Variants in SNTG1 observed in about 807,000 individuals in gnomAD.
SNTG1 encodes syntrophin gamma 1.
Under a neutral mutation model 74.7 loss-of-function variants are expected in SNTG1, and 39 were observed. The ratio of observed to expected loss-of-function variants is 0.52; its 90% confidence interval spans 0.40 to 0.68. SNTG1 has a LOEUF of 0.68. SNTG1 is among the 30% of genes least tolerant of loss of function. The pLI, the probability that SNTG1 is intolerant of heterozygous loss-of-function variation, is 0.00. For synonymous variants in SNTG1, 254 were observed against 217.1 expected (o/e 1.17, Z -1.49); for missense variants, 685 against 609.5 (o/e 1.12, Z -1.30).
chr8:50,709,448 A>T (rs2131553669), intron 17 of SNTG1, among the ~76,000 whole-genome samples: 1 of 152,202 alleles, frequency 6.6e-6, no homozygotes, highest in East Asian at 1.9e-4. Flanking sequence ...TTTAGTTTCT[A>T]GCCAGGGAGT....
At chr8:50,400,939 A>C (rs1203765674) in intron 3 of SNTG1, among the ~76,000 whole-genome samples, 2 of 152,168 alleles carry the variant, frequency 1.3e-5, no homozygotes, top group Non-Finnish European at 2.9e-5. Flanking sequence ...AATAGCTGGA[A>C]GAGAGGGTTT....
chr8:50,613,402 T>A (rs558727461), intron 13 of SNTG1, among the ~76,000 whole-genome samples: 1 of 152,182 alleles, frequency 6.6e-6, no homozygotes, highest in Non-Finnish European at 1.5e-5. Context: ...TAGAGGGCAA[T>A]GATAAATTGC....
chr8:50,177,751 A>G (rs2083053399), intron 2 of SNTG1, among the ~76,000 whole-genome samples: 1 of 152,150 alleles, frequency 6.6e-6, no homozygotes, highest in East Asian at 1.9e-4. Context: ...CCTACATTCA[A>G]ATGAGTGCTT....
intron 18 of SNTG1, 112 bp downstream of exon 18, chr8:50,752,223 C>T: frequency 2.0e-6 from 1 of 503,120 alleles, no homozygotes; most frequent in African/African-American, 2.0e-5. Context: ...ATTCTCTGCT[C>T]ATCTTGAAAT....
At chr8:50,199,287 G>A (rs936842404) in intron 2 of SNTG1, among the ~76,000 whole-genome samples, 1 of 147,760 alleles carries the variant, frequency 6.8e-6, no homozygotes, top group African/African-American at 2.5e-5. Context: ...GTTCAATCTC[G>A]GCTCACTGCA....
chr8:50,381,838 AT>A, intron 2 of SNTG1: 1 of 126,684 alleles, frequency 7.9e-6, no homozygotes, highest in East Asian at 2.1e-4. Flanking sequence ...TATATATATT[AT>A]ATATATATAT....
intron 1 of SNTG1, among the ~76,000 whole-genome samples, chr8:50,131,488 A>G (rs2131404127): frequency 6.6e-6 from 1 of 152,266 alleles, no homozygotes; most frequent in African/African-American, 2.4e-5. Context: ...ATGTTGCTGC[A>G]AGTGACAGGA....
chr8:50,703,344 A>T (rs1387821069), intron 15 of SNTG1, among the ~76,000 whole-genome samples: 1 of 144,032 alleles, frequency 6.9e-6, no homozygotes, highest in East Asian at 2.0e-4. Context: ...TTTATAAAAA[A>T]TAAGACAGAA....
chr8:50,078,509 T>G (rs955743286), intron 1 of SNTG1, among the ~76,000 whole-genome samples: 2 of 152,204 alleles, frequency 1.3e-5, no homozygotes, highest in South Asian at 4.1e-4. Context: ...CATTATAATT[T>G]TGTTTGCTGT....
intron 1 of SNTG1, among the ~76,000 whole-genome samples, chr8:50,003,674 G>A (rs867406513): frequency 6.6e-6 from 1 of 151,982 alleles, no homozygotes; most frequent in African/African-American, 2.4e-5. Context: ...TTTTTCTGTT[G>A]TAATTACTTG....
At chr8:50,762,838 C>A (rs764069849) in intron 18 of SNTG1, 12 of 391,470 alleles carry the variant, frequency 3.1e-5, no homozygotes, top group Admixed American at 8.0e-5. Context: ...ATGAAGGTTC[C>A]TGCTCCGAAG....
At chr8:50,385,904 T>C (rs1053664903) in intron 2 of SNTG1, among the ~76,000 whole-genome samples, 1 of 152,216 alleles carries the variant, frequency 6.6e-6, no homozygotes, top group African/African-American at 2.4e-5. Flanking sequence ...GTCTTCTGCA[T>C]AGGCCAAGTA....
chr8:50,101,640 G>T (rs1026287836), intron 1 of SNTG1, among the ~76,000 whole-genome samples: 1 of 151,944 alleles, frequency 6.6e-6, no homozygotes, highest in African/African-American at 2.4e-5. Context: ...CATGTGCCAT[G>T]CTGGTGTGCT....
intron 1 of SNTG1, among the ~76,000 whole-genome samples, chr8:49,939,756 T>A (rs1808514612): frequency 6.6e-6 from 1 of 152,174 alleles, no homozygotes; most frequent in African/African-American, 2.4e-5. Flanking sequence ...ATATTCTATG[T>A]TTAGCAAAGG....
intron 2 of SNTG1, among the ~76,000 whole-genome samples, chr8:50,178,829 C>T (rs968833577): frequency 2.0e-5 from 3 of 152,156 alleles, no homozygotes; most frequent in Admixed American, 6.5e-5. Flanking sequence ...CTTACTAAAA[C>T]GTTTCCTATT....
chr8:50,693,109 A>T (rs1172888041), intron 15 of SNTG1, among the ~76,000 whole-genome samples: 12 of 152,122 alleles, frequency 7.9e-5, no homozygotes. Context: ...GGAAAAGCGC[A>T]GTATTAGGGT....
intron 1 of SNTG1, among the ~76,000 whole-genome samples, chr8:49,927,813 A>G (rs1034605946): frequency 1.3e-5 from 2 of 152,090 alleles, no homozygotes; most frequent in African/African-American, 2.4e-5. Context: ...AGAGAGAACC[A>G]TAATGTAAAT....
chr8:50,268,654 A>T (rs1252657091), intron 2 of SNTG1, among the ~76,000 whole-genome samples: 2 of 147,370 alleles, frequency 1.4e-5, no homozygotes, highest in East Asian at 2.0e-4. Flanking sequence ...TACATATTCA[A>T]TTTTTTTTTT....
chr8:50,353,372 A>C (rs1201196445), intron 2 of SNTG1, among the ~76,000 whole-genome samples: 1 of 152,146 alleles, frequency 6.6e-6, no homozygotes. Flanking sequence ...ACCTGAACGT[A>C]GTGCACATGT....
Sources: gnomAD v4.1 joint callset for allele counts (sites outside exome capture counted in the v4.1 genomes callset) on GRCh38, gnomAD v4.1.1 for gene constraint, MANE v1.5 for transcripts, NCBI Gene and HGNC (gene_info 2026-07-23, HGNC 2026-07-21) for gene names.